Variants in EPB41L4B observed in about 807,000 individuals in gnomAD.
EPB41L4B encodes the protein erythrocyte membrane protein band 4.1 like 4B.
A neutral mutation model predicts 112.5 loss-of-function variants in EPB41L4B; 30 were observed. The ratio of observed to expected loss-of-function variants is 0.27; its 90% CI spans 0.20 to 0.36. EPB41L4B has a LOEUF of 0.36. EPB41L4B is among the 10% of genes least tolerant of loss of function. The pLI is 1.00. For synonymous variants in EPB41L4B, 408 were observed against 439.7 expected, an observed-to-expected ratio of 0.93 and a Z score of 0.90; for missense variants, 1,024 against 1,133.3, an observed-to-expected ratio of 0.90 and a Z score of 1.38.
At chr9:109,251,189 A>G (rs1834775023) in intron 13 of EPB41L4B, among the ~76,000 whole-genome samples, 1 of 152,272 alleles carries the variant, frequency 6.6e-6, no homozygotes, top group Non-Finnish European at 1.5e-5. Context: ...CCATGAGCAC[A>G]GTGTGCTGCG....
At chr9:109,266,728 G>C (rs1835414222) in intron 4 of EPB41L4B, among the ~76,000 whole-genome samples, 1 of 152,098 alleles carries the variant, frequency 6.6e-6, no homozygotes, top group Admixed American at 6.5e-5. Flanking sequence ...AGCACTTTGG[G>C]AGGCCAAAGC....
chr9:109,256,802 C>T (rs914014012), intron 7 of EPB41L4B, among the ~76,000 whole-genome samples: 3 of 152,150 alleles, frequency 2.0e-5, no homozygotes, highest in African/African-American at 7.2e-5. Flanking sequence ...ATTCGCTGGG[C>T]GTGGTGGCAC....
chr9:109,282,874 G>A (rs1258145759), intron 1 of EPB41L4B, among the ~76,000 whole-genome samples: 2 of 151,400 alleles, frequency 1.3e-5, no homozygotes, highest in Admixed American at 6.6e-5. Flanking sequence ...GTAGAGACAG[G>A]GTTTCACCAT....
At chr9:109,183,061 C>T (rs1207412363) in intron 23 of EPB41L4B, among the ~76,000 whole-genome samples, 1 of 152,144 alleles carries the variant, frequency 6.6e-6, no homozygotes, top group Non-Finnish European at 1.5e-5. Context: ...CCCACACTTG[C>T]CTCCCCCTGG....
Position 109,279,832 on chromosome 9 carries a change from G to C in EPB41L4B, c.396C>G (p.Asp132Glu). The C allele has an allele frequency of 6.2e-7, 1 of 1,614,070 alleles. No individual in the cohort carries two copies. The highest frequency in any genetic ancestry group is 1.6e-4 in the Middle Eastern group (1 of 6,062). The change falls in exon 2 of 26, where the codon GAC becomes GAG. Residue 132 changes from aspartate (D) to glutamate (E), a missense_variant. Transcript: ENST00000374566. ...ETDYFGLQFL[D>E]SAQVAHWLDH... ...AATAACCTACCGCAACCTGGGCAGA[G>C]TCGAGGAACTGGAGGCCAAAGTAAT...
Position 109,176,655 on chromosome 9 carries a change from C to T in EPB41L4B, c.2529G>A (p.Pro843=), listed in dbSNP as rs368713488. 53 of 1,613,840 alleles carry T rather than the reference C, an allele frequency of 3.3e-5. No individual in the cohort carries two copies. Among genetic ancestry groups the T allele is most frequent in the Non-Finnish European group, 4.0e-5 (47 of 1,179,988 alleles). ...RDSKLQCCPG[P]TSPLIPAATL... ...TCGCTGCTGGGATCAGCGGGGAAGTCGGGCCAGGACAGCACTGTAATTTAC... is the reference window on the plus strand; with the variant it reads ...TCGCTGCTGGGATCAGCGGGGAAGTTGGGCCAGGACAGCACTGTAATTTAC... The change falls in exon 25 of 26, where the codon CCG becomes CCA. Residue 843 remains proline, a synonymous_variant. Coordinates refer to ENST00000374566, the MANE Select transcript of EPB41L4B (RefSeq NM_019114.5).
chr9:109,282,111 CATT>C (rs755139793), intron 1 of EPB41L4B, among the ~76,000 whole-genome samples: 4 of 152,138 alleles, frequency 2.6e-5, no homozygotes, highest in Non-Finnish European at 5.9e-5. Flanking sequence ...ACCTAGGAAA[CATT>C]ATGCTAAGTG....
chr9:109,259,097 C>A (rs1453928510), intron 6 of EPB41L4B, among the ~76,000 whole-genome samples: 1 of 152,136 alleles, frequency 6.6e-6, no homozygotes, highest in Non-Finnish European at 1.5e-5. Context: ...CCCTCTAACA[C>A]TAGGCTACAC....
At chr9:109,265,224 G>C (rs1187340371) in intron 4 of EPB41L4B, among the ~76,000 whole-genome samples, 200 bp from the exon 5 acceptor site, 2 of 152,224 alleles carry the variant, frequency 1.3e-5, no homozygotes, top group East Asian at 3.8e-4. Flanking sequence ...CGCTAGGAAG[G>C]TGAGTGCATG....
At chr9:109,184,367 G>A (rs1307238894) in intron 23 of EPB41L4B, among the ~76,000 whole-genome samples, 1 of 152,104 alleles carries the variant, frequency 6.6e-6, no homozygotes, top group African/African-American at 2.4e-5. Context: ...TTACAGGCAC[G>A]TGCCACGATG....
intron 2 of EPB41L4B, among the ~76,000 whole-genome samples, chr9:109,279,518 G>A (rs1017482): frequency 0.91 from 138,284 of 152,244 alleles, 62,880 homozygotes; most frequent in Middle Eastern, 0.98. Flanking sequence ...CCCCCAGCCT[G>A]AAAGAACTTC....
chr9:109,283,169 A>G (rs1288122935), intron 1 of EPB41L4B, among the ~76,000 whole-genome samples: 1 of 152,224 alleles, frequency 6.6e-6, no homozygotes, highest in Non-Finnish European at 1.5e-5. Context: ...CAATAAAGTC[A>G]GGGTAATTGT....
intron 15 of EPB41L4B, among the ~76,000 whole-genome samples, chr9:109,242,423 A>G (rs1834384459): frequency 6.6e-6 from 1 of 152,274 alleles, no homozygotes; most frequent in African/African-American, 2.4e-5. Flanking sequence ...CTAACATGAT[A>G]AAACAGGCAA....
At chr9:109,258,397 G>T in intron 6 of EPB41L4B, 100 bp from the exon 7 acceptor site, 1 of 1,249,640 alleles carries the variant, frequency 8.0e-7, no homozygotes, top group Non-Finnish European at 1.1e-6. Context: ...ATAAAGCACA[G>T]CCCCCCGCCC....
rs770916169 is a variant in EPB41L4B, at chr9:109,194,322, C to T, written c.2121G>A (p.Thr707=). 12 of 1,614,002 alleles carry T rather than the reference C, an allele frequency of 7.4e-6. No homozygotes were observed. Among genetic ancestry groups the T allele is most frequent in the South Asian group, 2.2e-5 (2 of 91,082 alleles). Reference sequence around the variant, plus strand: ...GCGGCACGGAGACTTGTGTGGCGGCCGTTGTGGTGTTTGTGGTTGTAGATG... The same window carrying T: ...GCGGCACGGAGACTTGTGTGGCGGCTGTTGTGGTGTTTGTGGTTGTAGATG... ...VTTSTTTNTT[T]AATQVSVPLP... Residue 707 remains threonine (T), a synonymous_variant, in exon 21 of 26, where the codon ACG becomes ACA. Coordinates refer to ENST00000374566, the MANE Select transcript of EPB41L4B (RefSeq NM_019114.5).
At chr9:109,290,128 A>C (rs2119176498) in intron 1 of EPB41L4B, among the ~76,000 whole-genome samples, 1 of 152,326 alleles carries the variant, frequency 6.6e-6, no homozygotes, top group Admixed American at 6.5e-5. Flanking sequence ...GTGAGGCAGA[A>C]ATGGTGGGTT....
At chr9:109,280,866 TAAAGAAAGGG>T (rs1836007641) in intron 1 of EPB41L4B, among the ~76,000 whole-genome samples, 1 of 150,498 alleles carries the variant, frequency 6.6e-6, no homozygotes, top group Non-Finnish European at 1.5e-5. Context: ...TGGAAACTGG[TAAAGAAAGGG>T]AAAGAATCCA....
At chr9:109,251,270 T>G (rs537799504) in intron 13 of EPB41L4B, among the ~76,000 whole-genome samples, 1 of 152,356 alleles carries the variant, frequency 6.6e-6, no homozygotes, top group East Asian at 1.9e-4. Flanking sequence ...AAAGCAGCTG[T>G]GTTTGCCAAA....
Position 109,320,410 on chromosome 9 carries a change from A to G in EPB41L4B, c.37T>C (p.Ser13Pro). The G allele has an allele frequency of 2.0e-6, 2 of 988,668 alleles. No homozygotes were observed. Among genetic ancestry groups the G allele is most frequent in the Non-Finnish European group, 2.4e-6 (2 of 833,988 alleles). The allele number at this position is 988,668 out of a possible 1,614,324, so 61.2% of individuals were successfully genotyped here. Residue 13 changes from serine (S) to proline (P), a missense_variant, in exon 1 of 26, where the codon TCC becomes CCC. Transcript: ENST00000374566. Reference sequence around the variant, plus strand: ...GCGCCCCGCGCGTAGCGCTGCATGGAGCGGCGGCCAAAGGTCCGGCGCAGG... The same window carrying G: ...GCGCCCCGCGCGTAGCGCTGCATGGGGCGGCGGCCAAAGGTCCGGCGCAGG... ...RFLRRTFGRR[S>P]MQRYARGAAG...
Sources: gnomAD v4.1 joint callset for allele counts (sites outside exome capture counted in the v4.1 genomes callset) on GRCh38, gnomAD v4.1.1 for gene constraint, MANE v1.5 for transcripts, NCBI Gene and HGNC (gene_info 2026-07-23, HGNC 2026-07-21) for gene names.